MGRN1: variants seen among roughly 807,000 people sequenced by gnomAD.
The protein encoded by MGRN1 is E3 ubiquitin-protein ligase MGRN1.
MGRN1 carries 29 observed loss-of-function variants against 69.2 expected under a neutral mutation model. That is an observed-to-expected ratio of 0.42 (90% CI 0.31 to 0.57). The LOEUF is 0.57. MGRN1 is among the 20% of genes least tolerant of loss of function. The pLI, the probability that MGRN1 is intolerant of heterozygous loss-of-function variation, is 0.15. For synonymous variants in MGRN1, 470 were observed against 344.2 expected (o/e 1.37, Z -4.04); for missense variants, 998 against 796.2 (o/e 1.25, Z -3.05).
At chr16:4,652,128 G>A in intron 3 of MGRN1, 77 bp downstream of exon 3, 1 of 1,440,314 alleles carries the variant, frequency 6.9e-7, no homozygotes, top group Non-Finnish European at 9.6e-7. Flanking sequence ...CTTGATGCTT[G>A]AGGAAAAGGG....
At chr16:4,657,924 A>AGTAGAGAC (rs1303018558) in intron 5 of MGRN1, among the ~76,000 whole-genome samples, 1 of 150,886 alleles carries the variant, frequency 6.6e-6, no homozygotes, top group Non-Finnish European at 1.5e-5. Flanking sequence ...TTGTATTTTT[A>AGTAGAGAC]GTAGAGACGG....
intron 4 of MGRN1, among the ~76,000 whole-genome samples, chr16:4,656,758 T>C (rs1205133043): frequency 6.6e-6 from 1 of 152,022 alleles, no homozygotes; most frequent in Non-Finnish European, 1.5e-5. Flanking sequence ...CGCACACCTG[T>C]AATCCTAGCT....
At position 4,671,648 on chromosome 16, in the gene MGRN1, A is replaced by T. The variant is rs113305320; in HGVS notation, c.795+189A>T. On this transcript the variant is annotated intron_variant, in intron 9 of 16. Coordinates refer to ENST00000262370, the MANE Select transcript of MGRN1 (RefSeq NM_015246.4). ...GGAACATTTTATCCTTTCTCCAGCA[A>T]ATTCACTAGCTTCTGATGTAAATTG... Among the ~76,000 whole-genome samples, 567 of 152,224 alleles carry T rather than the reference A, an allele frequency of 3.7e-3. 4 individuals are homozygous for T. The highest frequency in any genetic ancestry group is 0.013 in the African/African-American group (547 of 41,524).
chr16:4,650,183 A>G (rs1370383274), intron 1 of MGRN1, 182 bp from the exon 2 acceptor site: 2 of 513,788 alleles, frequency 3.9e-6, no homozygotes, highest in East Asian at 3.6e-5. Flanking sequence ...GGTGCCGGTA[A>G]TCCCAGCTAC....
intron 5 of MGRN1, among the ~76,000 whole-genome samples, chr16:4,662,641 G>C (rs1245243033): frequency 2.0e-5 from 3 of 152,228 alleles, no homozygotes; most frequent in African/African-American, 7.2e-5. Context: ...CCATGCGGTA[G>C]CGTGGTATTG....
At chr16:4,674,734 G>A (rs565551168) in intron 10 of MGRN1, among the ~76,000 whole-genome samples, 1 of 131,348 alleles carries the variant, frequency 7.6e-6, no homozygotes, top group African/African-American at 2.8e-5. Flanking sequence ...TCCGCTTCCC[G>A]GGTTCACGCC....
chr16:4,656,008 C>T (rs2078529154), intron 4 of MGRN1, among the ~76,000 whole-genome samples: 1 of 152,246 alleles, frequency 6.6e-6, no homozygotes, highest in Non-Finnish European at 1.5e-5. Flanking sequence ...CCTCTTCTGC[C>T]TTTGTGTGTA....
At chr16:4,654,462 G>A (rs1375713954) in intron 4 of MGRN1, among the ~76,000 whole-genome samples, 1 of 152,282 alleles carries the variant, frequency 6.6e-6, no homozygotes, top group Non-Finnish European at 1.5e-5. Context: ...GGAGCTGGCA[G>A]GACTGCCTCC....
Position 4,688,387 on chromosome 16 carries a change from C to A in MGRN1, c.1619-409C>A, listed in dbSNP as rs841221. ...CTTGTTCTCACCCAGGGCCGCTCCC[C>A]ACCCCTGCACCCTGGGTTGACCGAG... On this transcript the variant is annotated intron_variant, in intron 16 of 16. Transcript: ENST00000262370. The A allele has an allele frequency of 6.3e-4, 639 of 1,006,452 alleles. 8 individuals are homozygous for A. The South Asian group carries it at 0.021, about 33-fold the overall frequency. The allele number at this position is 1,006,452 out of a possible 1,614,324, so 62.3% of individuals were successfully genotyped here. A position where few individuals can be genotyped will look rare whatever the true frequency, so the allele number is the denominator to read the frequency against.
At chr16:4,664,594 G>C (rs2078755968) in intron 5 of MGRN1, 115 bp from the exon 6 acceptor site, 1 of 1,076,272 alleles carries the variant, frequency 9.3e-7, no homozygotes, top group Non-Finnish European at 1.4e-6. Context: ...TGTCCTCTGA[G>C]CTCTGCTGCT....
chr16:4,664,446 T>G (rs891139236), intron 5 of MGRN1: 12 of 513,292 alleles, frequency 2.3e-5, no homozygotes, highest in Non-Finnish European at 3.5e-5. Flanking sequence ...TGGTGGCGGT[T>G]GCATGACATT....
intron 1 of MGRN1, among the ~76,000 whole-genome samples, chr16:4,636,483 G>A (rs1238288597): frequency 1.3e-5 from 2 of 152,172 alleles, no homozygotes; most frequent in Non-Finnish European, 2.9e-5. Context: ...TGTGTCTGGC[G>A]GTGGTGCCCT....
intron 11 of MGRN1, among the ~76,000 whole-genome samples, chr16:4,679,728 C>T (rs2079134517): frequency 6.6e-6 from 1 of 152,226 alleles, no homozygotes; most frequent in Non-Finnish European, 1.5e-5. Context: ...CTCACGTCCA[C>T]CTTGGCCAAA....
chr16:4,662,331 A>G (rs1360951147), intron 5 of MGRN1, among the ~76,000 whole-genome samples: 2 of 152,040 alleles, frequency 1.3e-5, no homozygotes, highest in African/African-American at 2.4e-5. Context: ...CTTGGCCAAC[A>G]TGGTGAAACC....
At chr16:4,637,118 CAAAAAAAAAA>C (rs36033548) in intron 1 of MGRN1, among the ~76,000 whole-genome samples, 2 of 48,506 alleles carry the variant, frequency 4.1e-5, no homozygotes, top group African/African-American at 1.6e-4. Flanking sequence ...GACTCCATCT[CAAAAAAAAAA>C]AAAAAAAAAA....
At chr16:4,629,150 A>ATGTG (rs377682804) in intron 1 of MGRN1, among the ~76,000 whole-genome samples, 32,721 of 126,578 alleles carry the variant, frequency 0.26, 4,456 homozygotes, top group Non-Finnish European at 0.33. Context: ...TTCTGTTCGT[A>ATGTG]TGTGTGTGTG....
rs2079411278 is a variant in MGRN1 at position 4,689,573 on chromosome 16, C to T, written c.*665C>T. 6.6e-6 allele frequency: 1 copy of T among 152,396 alleles called. No individual in the cohort carries two copies. The highest frequency in any genetic ancestry group is 6.5e-5 in the Admixed American group (1 of 15,288). 9.4% of individuals were successfully genotyped at this position (152,396 alleles called of 1,614,324 possible). A position where few individuals can be genotyped will look rare whatever the true frequency, so the allele number is the denominator to read the frequency against. ...GCTGGGCCTGGCCGAGGGGCGGAGG[C>T]ACAGCTGCTTCCAGCAGCCAGCATT... is the stretch of plus-strand genomic sequence containing the variant. On this transcript the variant is annotated 3_prime_UTR_variant, in exon 17 of 17. Transcript: ENST00000262370.
At chr16:4,667,643 T>G (rs1214863426) in intron 7 of MGRN1, among the ~76,000 whole-genome samples, 1 of 152,208 alleles carries the variant, frequency 6.6e-6, no homozygotes, top group Non-Finnish European at 1.5e-5. Flanking sequence ...TGAGTGCTGA[T>G]GGTGGTTGAC....
intron 10 of MGRN1, among the ~76,000 whole-genome samples, chr16:4,674,320 G>C (rs147691742): frequency 6.6e-6 from 1 of 151,688 alleles, no homozygotes; most frequent in Non-Finnish European, 1.5e-5. Flanking sequence ...ATAGAGTCTC[G>C]CTCTGTCACC....
Sources: gnomAD v4.1 joint callset for allele counts (sites outside exome capture counted in the v4.1 genomes callset) on GRCh38, gnomAD v4.1.1 for gene constraint, MANE v1.5 for transcripts, NCBI Gene and HGNC (gene_info 2026-07-23, HGNC 2026-07-21) for gene names.